The following DNAH8 variants were observed in gnomAD, a reference collection of about 807,000 sequenced individuals.
DNAH8 encodes the protein axonemal beta dynein heavy chain 8.
A neutral mutation model predicts 562.1 loss-of-function variants in DNAH8; 382 were observed. That is an observed-to-expected ratio of 0.68 (90% CI 0.63 to 0.74). The LOEUF (loss-of-function observed/expected upper bound fraction) is 0.74. Among genes scored for constraint, DNAH8 ranks in the 30% least tolerant of loss-of-function variants. DNAH8 has a pLI of 0.00. For missense variants in DNAH8, 5,203 were observed against 5,620.4 expected, an observed-to-expected ratio of 0.93 and a Z score of 2.37; for synonymous variants, 1,881 against 1,919.4, an observed-to-expected ratio of 0.98 and a Z score of 0.52.
chr6:38,778,517 T>G (rs1183520440), intron 14 of DNAH8, 53 bp downstream of exon 14: 1 of 1,095,402 alleles, frequency 9.1e-7, no homozygotes. Flanking sequence ...ACTTTAAATC[T>G]AAAAATACAA....
At chr6:38,885,067 G>T (rs1217541135) in intron 56 of DNAH8, among the ~76,000 whole-genome samples, 2 of 152,170 alleles carry the variant, frequency 1.3e-5, no homozygotes, top group African/African-American at 2.4e-5. Context: ...GTTCTGTATG[G>T]CCTGCGTCTG....
At chr6:38,729,881 A>AT in intron 3 of DNAH8, 21 bp from the exon 4 acceptor site, 1 of 1,328,654 alleles carries the variant, frequency 7.5e-7, no homozygotes, top group Non-Finnish European at 1.1e-6. Context: ...TTTGATTATC[A>AT]TTTTCTCTTT....
intron 56 of DNAH8, among the ~76,000 whole-genome samples, chr6:38,884,842 C>A (rs1418226676): frequency 6.6e-6 from 1 of 152,124 alleles, no homozygotes; most frequent in Non-Finnish European, 1.5e-5. Context: ...ATCTATCCAC[C>A]CAGGTCATTC....
At chr6:38,998,402 A>T (rs1208865731) in intron 88 of DNAH8, among the ~76,000 whole-genome samples, 1 of 152,166 alleles carries the variant, frequency 6.6e-6, no homozygotes, top group East Asian at 1.9e-4. Flanking sequence ...CAATGTCAAA[A>T]ATGGTTGCTT....
At chr6:38,823,243 G>T (rs528078476) in intron 27 of DNAH8, among the ~76,000 whole-genome samples, 1 of 152,308 alleles carries the variant, frequency 6.6e-6, no homozygotes, top group Non-Finnish European at 1.5e-5. Flanking sequence ...GACAGATTTT[G>T]TTCAATTTCC....
intron 80 of DNAH8, among the ~76,000 whole-genome samples, chr6:38,948,321 AT>A (rs1419859561): frequency 6.6e-6 from 1 of 151,756 alleles, no homozygotes; most frequent in Non-Finnish European, 1.5e-5. Context: ...TGGCTTTTTT[AT>A]TTTAATTTTA....
chr6:39,022,661 T>C (rs1022665906), intron 91 of DNAH8, among the ~76,000 whole-genome samples: 3 of 152,210 alleles, frequency 2.0e-5, no homozygotes, highest in African/African-American at 4.8e-5. Flanking sequence ...GCTTCTCTGG[T>C]AAGCAGAGAT....
Position 38,870,707 on chromosome 6 carries a change from G to C in DNAH8, c.6990+145G>C. 7.2e-6 allele frequency: 6 copies of C among 837,758 alleles called. No homozygotes were observed. In the South Asian group the frequency reaches 1.1e-4, roughly 15 times the overall value. The allele number at this position is 837,758 out of a possible 1,614,324, so 51.9% of individuals were successfully genotyped here. The stretch of plus-strand genomic sequence containing the variant: ...ATACATCATTGCAAAAAGAATACTT[G>C]GAAGGATGTGGTGGTCCTAGGAAGA... On this transcript the variant is annotated intron_variant, in intron 49 of 92. Transcript: ENST00000327475.
intron 65 of DNAH8, 47 bp from the exon 66 acceptor site, chr6:38,911,421 G>C: frequency 7.5e-7 from 1 of 1,330,120 alleles, no homozygotes; most frequent in Non-Finnish European, 1.1e-6. Context: ...CGTTTTATGG[G>C]AGTACGCACA....
chr6:38,841,642 G>A (rs1774802445), intron 33 of DNAH8, among the ~76,000 whole-genome samples: 1 of 152,026 alleles, frequency 6.6e-6, no homozygotes, highest in Non-Finnish European at 1.5e-5. Flanking sequence ...TCAATTTGGT[G>A]TTTTACACAT....
intron 88 of DNAH8, among the ~76,000 whole-genome samples, chr6:38,998,176 G>T (rs1394986875): frequency 6.6e-6 from 1 of 152,216 alleles, no homozygotes; most frequent in Admixed American, 6.5e-5. Context: ...GATTTGGGCA[G>T]GGCGAATCAC....
At chr6:38,880,136 A>G (rs1273521952) in intron 53 of DNAH8, among the ~76,000 whole-genome samples, 1 of 152,118 alleles carries the variant, frequency 6.6e-6, no homozygotes, top group African/African-American at 2.4e-5. Context: ...AAGCACAGCT[A>G]CTCAGGAGGC....
chr6:38,823,684 T>C lies in DNAH8; in HGVS notation c.3843T>C (p.His1281=). ...TTGTTGTAGGAGCACTTGAATTACA[T>C]ACAGGTATTTTAAAAATGTTTATTA... ...PIIVVGALEL[H]TEPMKLALSI... is the part of the protein sequence containing the mutation. Residue 1281 remains histidine, a synonymous_variant, in exon 28 of 93, where the codon CAT becomes CAC. Transcript: ENST00000327475. 3.1e-6 allele frequency: 5 copies of C among 1,590,954 alleles called. No individual in the cohort carries two copies. The highest frequency in any genetic ancestry group is 2.2e-5 in the East Asian group (1 of 44,652).
Position 38,863,990 on chromosome 6 carries a change from A to C in DNAH8, c.6428A>C (p.Lys2143Thr). Residue 2143 changes from lysine (K) to threonine (T), a missense_variant, in exon 45 of 93, where the codon AAG becomes ACG. By Grantham distance (78) the Lys-to-Thr change is moderately conservative. Coordinates refer to ENST00000327475, the MANE Select transcript of DNAH8 (RefSeq NM_001206927.2). ...GTTTTGACAGCAAGAAAAGAAAGAA[A>C]GAAACAGTTCATTTTTTCTGATGGT... ...YIVLTARKERKKQFIFSDGDC... is the reference protein window; with the variant it reads ...YIVLTARKERTKQFIFSDGDC... 1 of 1,612,058 alleles carries C rather than the reference A, an allele frequency of 6.2e-7. No individual in the cohort carries two copies. Among genetic ancestry groups the C allele is most frequent in the Non-Finnish European group, 8.5e-7 (1 of 1,179,644 alleles).
intron 68 of DNAH8, among the ~76,000 whole-genome samples, chr6:38,915,945 C>G (rs922490377): frequency 5.3e-5 from 8 of 152,014 alleles, no homozygotes; most frequent in African/African-American, 1.9e-4. Flanking sequence ...TACTTACACA[C>G]TGCTAATACA....
At chr6:38,729,740 A>ATTC (rs1234828518) in intron 3 of DNAH8, among the ~76,000 whole-genome samples, 162 bp from the exon 4 acceptor site, 1 of 152,226 alleles carries the variant, frequency 6.6e-6, no homozygotes, top group Admixed American at 6.5e-5. Context: ...TAATTCAACC[A>ATTC]TTACTATATT....
In DNAH8 at chr6:38,828,358, C is replaced by T. The variant is rs1397243943; in HGVS notation, c.4188+70C>T. ...TCCAGAAAAAAAAGGTATTTTATAC[C>T]TTTTTAAAGCTTAATATACAGTCAT... On this transcript the variant is annotated intron_variant, in intron 30 of 92. Transcript: ENST00000327475. 5 of 859,176 alleles carry T rather than the reference C, an allele frequency of 5.8e-6. No individual in the cohort carries two copies. In the East Asian group the frequency reaches 8.1e-5, roughly 14 times the overall value. The allele number at this position is 859,176 out of a possible 1,614,324, so 53.2% of individuals were successfully genotyped here. A position where few individuals can be genotyped will look rare whatever the true frequency, so the allele number is the denominator to read the frequency against.
intron 1 of DNAH8, among the ~76,000 whole-genome samples, chr6:38,720,069 C>A (rs1033769698): frequency 1.3e-5 from 2 of 152,120 alleles, no homozygotes; most frequent in African/African-American, 4.8e-5. Context: ...GCATGACACT[C>A]CTTACCTCAG....
intron 7 of DNAH8, among the ~76,000 whole-genome samples, chr6:38,741,221 T>C (rs1582875789): frequency 6.6e-6 from 1 of 152,016 alleles, no homozygotes; most frequent in East Asian, 1.9e-4. Context: ...CTGGGCAACA[T>C]AGTGACATGC....
Sources: allele counts gnomAD v4.1 joint callset (sites outside exome capture counted in the v4.1 genomes callset), GRCh38; gene constraint gnomAD v4.1.1; transcripts MANE v1.5; gene names NCBI Gene and HGNC (gene_info 2026-07-23, HGNC 2026-07-21).